The following RALYL variants were observed in gnomAD, a reference collection of about 807,000 sequenced individuals.
RALYL encodes RALY RNA binding protein like.
RALYL carries 29 observed loss-of-function variants against 35.1 expected under a neutral mutation model. The observed-to-expected ratio is 0.83, with a 90% confidence interval of 0.61 to 1.13. The LOEUF (loss-of-function observed/expected upper bound fraction) is 1.13. RALYL is among the 50% of genes most tolerant of loss of function. The pLI is 0.00. For missense variants in RALYL, 359 were observed against 360.4 expected (o/e 1.00, Z 0.03); for synonymous variants, 120 against 127.6 (o/e 0.94, Z 0.40).
At chr8:84,634,397 C>T (rs779458493) in intron 2 of RALYL, among the ~76,000 whole-genome samples, 28 of 151,842 alleles carry the variant, frequency 1.8e-4, no homozygotes, top group Admixed American at 3.3e-4. Flanking sequence ...TTAGAAAACA[C>T]TTCTAAAATA....
chr8:84,659,509 C>T (rs1830527990), intron 2 of RALYL, among the ~76,000 whole-genome samples: 1 of 152,092 alleles, frequency 6.6e-6, no homozygotes, highest in Admixed American at 6.5e-5. Flanking sequence ...TGTTGCAGCA[C>T]TAAAAGCTGC....
rs773543398 is a variant in RALYL at position 84,873,384 on chromosome 8, G to A, written c.672G>A (p.Gln224=). The A allele has an allele frequency of 4.4e-6, 7 of 1,591,462 alleles. No individual in the cohort carries two copies. In the Admixed American group the frequency reaches 8.7e-5, roughly 20 times the overall value. The change falls in exon 7 of 9, where the codon CAG becomes CAA. Residue 224 remains glutamine, a synonymous_variant. Transcript: ENST00000521268. Reference sequence around the variant, plus strand: ...GCCTGGAGAAGATTGAGAAACAGCAGAAGGCGGAGGCAGGTAAGTGATCTC... The same window carrying A: ...GCCTGGAGAAGATTGAGAAACAGCAAAAGGCGGAGGCAGGTAAGTGATCTC... The part of the protein sequence containing the change: ...LGRLEKIEKQ[Q]KAEAEAQKKQ...
intron 2 of RALYL, among the ~76,000 whole-genome samples, chr8:84,614,491 T>C (rs921557896): frequency 9.9e-5 from 15 of 151,746 alleles, no homozygotes; most frequent in Admixed American, 7.2e-4. Flanking sequence ...AGAATGACTG[T>C]GCCTCCAGCC....
chr8:84,229,616 A>G (rs1824852976), intron 1 of RALYL, among the ~76,000 whole-genome samples: 1 of 152,150 alleles, frequency 6.6e-6, no homozygotes, highest in African/African-American at 2.4e-5. Flanking sequence ...AGCTGCCCAC[A>G]TCTCTCACTA....
At chr8:84,710,394 C>G (rs1465673676) in intron 2 of RALYL, among the ~76,000 whole-genome samples, 1 of 151,938 alleles carries the variant, frequency 6.6e-6, no homozygotes, top group African/African-American at 2.4e-5. Context: ...ACTCTGCCTC[C>G]AGGTTCAAGC....
chr8:84,402,841 A>G (rs1250777499), intron 1 of RALYL, among the ~76,000 whole-genome samples: 1 of 152,046 alleles, frequency 6.6e-6, no homozygotes, highest in Non-Finnish European at 1.5e-5. Flanking sequence ...TGACTTTTTA[A>G]TGATCGCCAT....
At chr8:84,747,785 G>A (rs372630627) in intron 2 of RALYL, among the ~76,000 whole-genome samples, 2 of 151,860 alleles carry the variant, frequency 1.3e-5, no homozygotes, top group Admixed American at 6.6e-5. Flanking sequence ...TAGGAAAAGA[G>A]TTACTATTTT....
At chr8:84,213,879 C>A (rs752741723) in intron 1 of RALYL, among the ~76,000 whole-genome samples, 9 of 152,056 alleles carry the variant, frequency 5.9e-5, no homozygotes, top group Non-Finnish European at 1.2e-4. Flanking sequence ...CCTCAATGTG[C>A]CTTATTACTA....
intron 2 of RALYL, among the ~76,000 whole-genome samples, chr8:84,630,469 G>C (rs1823677631): frequency 6.6e-6 from 1 of 151,992 alleles, no homozygotes; most frequent in Non-Finnish European, 1.5e-5. Context: ...TGATTGCTTA[G>C]AATATGCATA....
At chr8:84,698,674 C>A (rs1022211967) in intron 2 of RALYL, among the ~76,000 whole-genome samples, 1 of 151,974 alleles carries the variant, frequency 6.6e-6, no homozygotes, top group African/African-American at 2.4e-5. Flanking sequence ...GTTCAGAGTC[C>A]AGAAAGAAGA....
intron 2 of RALYL, chr8:84,679,475 G>A (rs1010967282): frequency 1.8e-5 from 6 of 331,152 alleles, no homozygotes; most frequent in Middle Eastern, 1.1e-3. Flanking sequence ...TGCTAAATAG[G>A]ACTGATGCTT....
intron 2 of RALYL, among the ~76,000 whole-genome samples, chr8:84,697,117 C>A (rs969680391): frequency 6.6e-6 from 1 of 151,778 alleles, no homozygotes; most frequent in East Asian, 1.9e-4. Flanking sequence ...GAAATGAATT[C>A]TATTAATATA....
chr8:84,186,521 AT>A (rs1447465766), intron 1 of RALYL, among the ~76,000 whole-genome samples: 1 of 152,198 alleles, frequency 6.6e-6, no homozygotes, highest in African/African-American at 2.4e-5. Context: ...AAGAACTTGA[AT>A]GATCGAACCT....
intron 2 of RALYL, among the ~76,000 whole-genome samples, chr8:84,665,443 G>T (rs1831814442): frequency 6.6e-6 from 1 of 151,192 alleles, no homozygotes; most frequent in Admixed American, 6.6e-5. Flanking sequence ...GTCCTGTGCT[G>T]TTTTTTTATT....
intron 2 of RALYL, among the ~76,000 whole-genome samples, chr8:84,658,254 A>G (rs1830301959): frequency 6.6e-6 from 1 of 152,172 alleles, no homozygotes. Flanking sequence ...TGGCCAGTCT[A>G]TTCAACATAA....
At position 84,642,373 on chromosome 8, in the gene RALYL, G is replaced by GA. The variant is rs34032693; in HGVS notation, c.256+112804dup. ...ATTTGTGGGGTTTTTTTAAACTTGAGAAAAAAAACTCTTTTACCTTTTTTT... is the reference window on the plus strand; with the variant it reads ...ATTTGTGGGGTTTTTTTAAACTTGAGAAAAAAAAACTCTTTTACCTTTTTTT... On this transcript the variant is annotated intron_variant, in intron 2 of 8. Coordinates refer to ENST00000521268, the MANE Select transcript of RALYL (RefSeq NM_173848.7). Among the ~76,000 whole-genome samples the GA allele has an allele frequency of 2.2e-4, 33 of 151,430 alleles. No individual in the cohort carries two copies. In the South Asian group the frequency reaches 6.5e-3, roughly 30 times the overall value.
intron 2 of RALYL, among the ~76,000 whole-genome samples, chr8:84,707,207 G>A: frequency 6.6e-6 from 1 of 152,134 alleles, no homozygotes; most frequent in East Asian, 1.9e-4. Flanking sequence ...GTTTGATTCT[G>A]CAAGCTTGAT....
At chr8:84,667,727 A>G (rs1259848791) in intron 2 of RALYL, among the ~76,000 whole-genome samples, 1 of 152,090 alleles carries the variant, frequency 6.6e-6, no homozygotes, top group Non-Finnish European at 1.5e-5. Flanking sequence ...GACCCCGGTC[A>G]TCATTGATAA....
chr8:84,557,793 A>AAT (rs2061231352), intron 2 of RALYL, among the ~76,000 whole-genome samples: 1 of 152,152 alleles, frequency 6.6e-6, no homozygotes, highest in Non-Finnish European at 1.5e-5. Context: ...AATGCTGATT[A>AAT]ATAGGCCAGT....
Sources: allele counts gnomAD v4.1 joint callset (sites outside exome capture counted in the v4.1 genomes callset), GRCh38; gene constraint gnomAD v4.1.1; transcripts MANE v1.5; gene names NCBI Gene and HGNC (gene_info 2026-07-23, HGNC 2026-07-21).